The following PASK variants were observed in gnomAD, a reference collection of about 807,000 sequenced individuals.
PASK encodes PAS domain-containing serine/threonine-protein kinase.
Under a neutral mutation model 121.0 loss-of-function variants are expected in PASK, and 110 were observed. The ratio of observed to expected loss-of-function variants is 0.91; its 90% CI spans 0.78 to 1.06. PASK has a LOEUF of 1.06. PASK is among the 50% of genes least tolerant of loss of function. The pLI, the probability that PASK is intolerant of heterozygous loss-of-function variation, is 0.00. For missense variants in PASK, 1,643 were observed against 1,702.3 expected (o/e 0.97, Z 0.61); for synonymous variants, 686 against 717.8 (o/e 0.96, Z 0.71).
chr2:241,137,524 G>A (rs1193275063), intron 6 of PASK, among the ~76,000 whole-genome samples: 4 of 152,214 alleles, frequency 2.6e-5, no homozygotes, highest in Non-Finnish European at 5.9e-5. Context: ...CCCCAGTGAG[G>A]GGCCGGGCAC....
At chr2:241,114,855 C>A (rs2065259957) in intron 14 of PASK, 188 bp downstream of exon 14, 1 of 1,500,740 alleles carries the variant, frequency 6.7e-7, no homozygotes, top group South Asian at 1.4e-5. Context: ...TCCTTCCCAA[C>A]CTCACTTTCT....
rs1223385506 is a variant in PASK, at chr2:241,108,659, A to G, written c.3534-359T>C. 4 of 378,992 alleles carry G rather than the reference A, an allele frequency of 1.1e-5. No individual in the cohort carries two copies. The highest frequency in any genetic ancestry group is 2.0e-5 in the Non-Finnish European group (4 of 198,056). 23.5% of individuals were successfully genotyped at this position (378,992 alleles called of 1,614,324 possible). On this transcript the variant is annotated intron_variant, in intron 15 of 17. Coordinates refer to ENST00000234040, the MANE Select transcript of PASK (RefSeq NM_015148.4). The surrounding 1 kb of genome is among the most constrained non-coding windows in gnomAD (Gnocchi z 5.2). ...CTTTGCTGAGGGCCACGGGAGCTGC[A>G]GGCCACTTCAGAACAGGGTCACGTG...
At chr2:241,147,391 G>A (rs761608547) in intron 1 of PASK, among the ~76,000 whole-genome samples, 35 of 152,100 alleles carry the variant, frequency 2.3e-4, no homozygotes, top group Non-Finnish European at 4.4e-4. Context: ...GGGAGGCCAG[G>A]CAGATTACTT....
At chr2:241,142,541 T>C (rs1262803962) in intron 2 of PASK, among the ~76,000 whole-genome samples, 2 of 152,230 alleles carry the variant, frequency 1.3e-5, no homozygotes, top group Non-Finnish European at 2.9e-5. Flanking sequence ...CGTTCTCACA[T>C]ACTCTAAAGT....
At chr2:241,139,320 G>A (rs576109460) in intron 4 of PASK, among the ~76,000 whole-genome samples, 19 of 152,184 alleles carry the variant, frequency 1.2e-4, no homozygotes, top group Admixed American at 4.6e-4. Flanking sequence ...CCCAGTCCCC[G>A]ACCGGCTGAC....
upstream of PASK, chr2:241,149,926 C>A: frequency 7.0e-7 from 1 of 1,431,218 alleles, no homozygotes; most frequent in East Asian, 2.5e-5. Flanking sequence ...TGCCCGCCTG[C>A]TCCGAGCGTC....
Position 241,122,835 on chromosome 2 carries a change from G to A in PASK, c.2969C>T (p.Ala990Val), listed in dbSNP as rs776206557. 6.2e-7 allele frequency: 1 copy of A among 1,614,162 alleles called. No individual in the cohort carries two copies. The highest frequency in any genetic ancestry group is 1.1e-5 in the South Asian group (1 of 91,088). The part of the protein sequence containing the change: ...PKAVELEGLA[A>V]CEGEYSQKYS... ...CTTTTGGGAGTACTCGCCCTCACAG[G>A]CCGCCAACCCCTCCAGTTCCACAGC... is the stretch of plus-strand genomic sequence containing the variant. The change falls in exon 12 of 18, where the codon GCC (alanine) becomes GTC (valine). Residue 990 changes from alanine (A) to valine (V), a missense_variant. By Grantham distance (64) the Ala-to-Val change is moderately conservative. Coordinates refer to ENST00000234040, the MANE Select transcript of PASK (RefSeq NM_015148.4).
At chr2:241,124,276 G>T in intron 10 of PASK, 143 bp from the exon 11 acceptor site, 1 of 728,196 alleles carries the variant, frequency 1.4e-6, no homozygotes. Flanking sequence ...CCAGAACACA[G>T]ACCAGAGAGC....
intron 1 of PASK, among the ~76,000 whole-genome samples, chr2:241,148,439 G>T (rs1213464774): frequency 6.6e-6 from 1 of 152,198 alleles, no homozygotes; most frequent in Non-Finnish European, 1.5e-5. Flanking sequence ...CAGCAAGGAT[G>T]TCAGTCCTGG....
chr2:241,144,526 A>G (rs1162769328), intron 1 of PASK, among the ~76,000 whole-genome samples: 1 of 152,172 alleles, frequency 6.6e-6, no homozygotes, highest in African/African-American at 2.4e-5. Flanking sequence ...CCTTCTGGGT[A>G]TCCAGAACCC....
intron 10 of PASK, among the ~76,000 whole-genome samples, chr2:241,125,365 C>G (rs1245417468): frequency 2.0e-5 from 3 of 151,594 alleles, no homozygotes; most frequent in African/African-American, 7.3e-5. Context: ...TTTTGGGAAG[C>G]CGAGGCGGGC....
chr2:241,124,186 G>A, intron 10 of PASK, 53 bp from the exon 11 acceptor site: 1 of 1,481,180 alleles, frequency 6.8e-7, no homozygotes, highest in Non-Finnish European at 9.4e-7. Flanking sequence ...TGGCTAGACA[G>A]CAGCTTTAGG....
Position 241,140,574 on chromosome 2 carries a change from G to A in PASK, c.376C>T (p.Pro126Ser). The change falls in exon 3 of 18, where the codon CCT becomes TCT. Residue 126 changes from proline to serine, a missense_variant. By Grantham distance (74) the Pro-to-Ser change is moderately conservative. This residue lies in a region of PASK where 1,176 missense variants were observed against 1,162.2 expected (regional missense o/e 1.01). Transcript: ENST00000234040. ...SGWSSPLLPAPVCNPNKAIFT... is the reference protein window; with the variant it reads ...SGWSSPLLPASVCNPNKAIFT... ...ATGGCCTTGTTAGGGTTGCACACAG[G>A]GGCCGGAAGCAGAGGTGAGGACCAC... The A allele has an allele frequency of 6.2e-7, 1 of 1,614,052 alleles. No homozygotes were observed. The highest frequency in any genetic ancestry group is 8.5e-7 in the Non-Finnish European group (1 of 1,179,982).
At chr2:241,144,112 C>G (rs2066839390) in intron 1 of PASK, among the ~76,000 whole-genome samples, 1 of 151,602 alleles carries the variant, frequency 6.6e-6, no homozygotes, top group African/African-American at 2.4e-5. Flanking sequence ...GCGTGTGTGT[C>G]CGTGCGTGTG....
intron 12 of PASK, among the ~76,000 whole-genome samples, chr2:241,120,708 T>C (rs554445630): frequency 3.3e-5 from 5 of 152,336 alleles, no homozygotes; most frequent in African/African-American, 9.6e-5. Context: ...CCAGGAACCC[T>C]TGTACACTGC....
At chr2:241,139,125 G>A (rs919592091) in intron 4 of PASK, among the ~76,000 whole-genome samples, 1 of 152,172 alleles carries the variant, frequency 6.6e-6, no homozygotes, top group Non-Finnish European at 1.5e-5. Flanking sequence ...TTAGTAGTCA[G>A]TTTCTTGAAC....
At chr2:241,124,338 C>G (rs1037187033) in intron 10 of PASK, among the ~76,000 whole-genome samples, 7 of 152,194 alleles carry the variant, frequency 4.6e-5, no homozygotes, top group African/African-American at 1.7e-4. Flanking sequence ...CTGTCAGGGC[C>G]GGCCAGGGAA....
chr2:241,139,914 C>A lies in PASK; in HGVS notation c.571G>T (p.Gly191Cys). The A allele has an allele frequency of 1.2e-6, 2 of 1,614,184 alleles. No homozygotes were observed. The highest frequency in any genetic ancestry group is 1.7e-6 in the Non-Finnish European group (2 of 1,180,016). Residue 191 changes from glycine (G) to cysteine (C), a missense_variant, in exon 4 of 18, where the codon GGC becomes TGC. Around this residue, in one of 3 missense-constraint regions of PASK, gnomAD observed 1,176 missense variants for 1,162.2 expected, o/e 1.01. Coordinates refer to ENST00000234040, the MANE Select transcript of PASK (RefSeq NM_015148.4). Reference protein sequence around the residue: ...ALSEEHMEADGHAAVVFGTVV... With the variant: ...ALSEEHMEADCHAAVVFGTVV... ...GTGCCAAACACCACCGCAGCGTGGCCGTCGGCCTCCATGTGCTCCTCGCTG... is the reference window on the plus strand; with the variant it reads ...GTGCCAAACACCACCGCAGCGTGGCAGTCGGCCTCCATGTGCTCCTCGCTG...
intron 14 of PASK, chr2:241,113,982 T>A: frequency 1.0e-6 from 1 of 981,720 alleles, no homozygotes; most frequent in Non-Finnish European, 1.2e-6. Context: ...GGGGTAGAGA[T>A]TCTTTTGGCA....
Sources: allele counts gnomAD v4.1 joint callset (sites outside exome capture counted in the v4.1 genomes callset), GRCh38; gene constraint gnomAD v4.1.1; regional missense constraint gnomAD v4.1.1; non-coding constraint Gnocchi (gnomAD v3.1); transcripts MANE v1.5; gene names NCBI Gene and HGNC (gene_info 2026-07-23, HGNC 2026-07-21).